The following SLC7A5 variants were observed in gnomAD, a reference collection of about 807,000 sequenced individuals.
SLC7A5 encodes solute carrier family 7 member 5.
SLC7A5 carries 23 observed loss-of-function variants against 50.2 expected under a neutral mutation model. The ratio of observed to expected loss-of-function variants is 0.46; its 90% CI spans 0.33 to 0.65. The LOEUF (loss-of-function observed/expected upper bound fraction) is 0.65, where lower values mean the gene tolerates loss of function less well. SLC7A5 is among the 30% of genes least tolerant of loss of function. The pLI, the probability that SLC7A5 is intolerant of heterozygous loss-of-function variation, is 0.02. For missense variants in SLC7A5, 578 were observed against 684.4 expected (o/e 0.84, Z 1.73); for synonymous variants, 393 against 330.6 (o/e 1.19, Z -2.05).
At chr16:87,845,986 A>G (rs2055149416) in intron 2 of SLC7A5, among the ~76,000 whole-genome samples, 1 of 152,196 alleles carries the variant, frequency 6.6e-6, no homozygotes, top group Non-Finnish European at 1.5e-5. Flanking sequence ...GACGGCACAG[A>G]AGAATGGCAG....
In SLC7A5 at chr16:87,834,511, C is replaced by G; in HGVS notation, c.1371G>C (p.Glu457Asp). 1.9e-6 allele frequency: 3 copies of G among 1,594,100 alleles called. No homozygotes were observed. Among genetic ancestry groups the G allele is most frequent in the Non-Finnish European group, 2.6e-6 (3 of 1,171,630 alleles). The change falls in exon 9 of 10, where the codon GAG (glutamate) becomes GAC (aspartate). Residue 457 changes from glutamate (E) to aspartate (D), a missense_variant. Glu to Asp is a conservative substitution (Grantham distance 45). This residue lies in a region of SLC7A5 where 465 missense variants were observed against 594.6 expected (regional missense o/e 0.78). Transcript: ENST00000261622. ...IAVSFWKTPV[E>D]CGIGFTIILS... is the part of the protein sequence containing the mutation. Reference sequence around the variant, plus strand: ...GGATGATGGTGAAGCCGATGCCACACTCCACGGGTGTCTTCCAGAAGGAGA... The same window carrying G: ...GGATGATGGTGAAGCCGATGCCACAGTCCACGGGTGTCTTCCAGAAGGAGA...
chr16:87,837,746 C>T, intron 7 of SLC7A5, 99 bp downstream of exon 7: 1 of 971,638 alleles, frequency 1.0e-6, no homozygotes, highest in Non-Finnish European at 1.6e-6. Flanking sequence ...GTCACCCAGT[C>T]CACACCCCAG....
At chr16:87,867,168 T>A (rs2055472903) in intron 1 of SLC7A5, among the ~76,000 whole-genome samples, 1 of 152,048 alleles carries the variant, frequency 6.6e-6, no homozygotes, top group Non-Finnish European at 1.5e-5. Context: ...GATCCGCCCG[T>A]CTCGGCCTCC....
chr16:87,847,963 AGGGGTCTCGGCCACCG>A (rs1018640683), intron 2 of SLC7A5, among the ~76,000 whole-genome samples: 7 of 151,982 alleles, frequency 4.6e-5, no homozygotes, highest in African/African-American at 1.7e-4. Context: ...GGTCACATCC[AGGGGTCTCGGCCACCG>A]GGACCCAGGG....
chr16:87,869,451 C>A lies in SLC7A5; in HGVS notation c.-29G>T, dbSNP rs985685336. ...CTGCGCACCGGCCGGGCCTGGGACACCCGGGAGCCGCGGCCCAGCGAGCAG... is the reference window on the plus strand; with the variant it reads ...CTGCGCACCGGCCGGGCCTGGGACAACCGGGAGCCGCGGCCCAGCGAGCAG... On this transcript the variant is annotated 5_prime_UTR_variant, in exon 1 of 10. Transcript: ENST00000261622. 2 of 1,353,632 alleles carry A rather than the reference C, an allele frequency of 1.5e-6. No individual in the cohort carries two copies. Among genetic ancestry groups the A allele is most frequent in the Non-Finnish European group, 1.9e-6 (2 of 1,061,496 alleles). 83.9% of individuals were successfully genotyped at this position (1,353,632 alleles called of 1,614,324 possible).
rs1296806721 is a variant in SLC7A5 at position 87,869,188 on chromosome 16, C to T, written c.235G>A (p.Ala79Thr). ...FVTPTGVLKE[A>T]GSPGLALVVW... Reference sequence around the variant, plus strand: ...ACCAGCGCCAGCCCCGGCGAGCCTGCCTCCTTGAGCACGCCCGTGGGCGTC... The same window carrying T: ...ACCAGCGCCAGCCCCGGCGAGCCTGTCTCCTTGAGCACGCCCGTGGGCGTC... The change falls in exon 1 of 10, where the codon GCA becomes ACA. Residue 79 changes from alanine (A) to threonine (T), a missense_variant. By Grantham distance (58) the Ala-to-Thr change is moderately conservative. Transcript: ENST00000261622. 6.2e-7 allele frequency: 1 copy of T among 1,612,374 alleles called. No individual in the cohort carries two copies. Among genetic ancestry groups the T allele is most frequent in the Non-Finnish European group, 8.5e-7 (1 of 1,179,822 alleles).
In SLC7A5 at chr16:87,852,237, C is replaced by G. The variant is rs1353292393; in HGVS notation, c.539-388G>C. On this transcript the variant is annotated intron_variant, in intron 1 of 9. Coordinates refer to ENST00000261622, the MANE Select transcript of SLC7A5 (RefSeq NM_003486.7). The surrounding 1 kb of genome is among the most constrained non-coding windows in gnomAD (Gnocchi z 4.5). The stretch of plus-strand genomic sequence containing the variant: ...AGGCGCCCATTACACCTTTTTGTAC[C>G]TACTCAGCACCCTGACCTGACTGTG... 6.6e-6 allele frequency among the ~76,000 whole-genome samples: 1 copy of G among 152,162 alleles called. No individual in the cohort carries two copies. Among genetic ancestry groups the G allele is most frequent in the Non-Finnish European group, 1.5e-5 (1 of 68,018 alleles).
At chr16:87,868,361 C>T (rs570900340) in intron 1 of SLC7A5, among the ~76,000 whole-genome samples, 10 of 152,254 alleles carry the variant, frequency 6.6e-5, no homozygotes, top group Admixed American at 5.2e-4. Flanking sequence ...CAGCACCAGT[C>T]ACTACCCGCA....
rs116092325 is a variant in SLC7A5 at position 87,852,736 on chromosome 16, T to C, written c.539-887A>G. 8.1e-3 allele frequency among the ~76,000 whole-genome samples: 1,217 copies of C among 151,130 alleles called. 12 individuals carry two copies. Among genetic ancestry groups the C allele is most frequent in the African/African-American group, 0.028 (1,164 of 40,926 alleles). On this transcript the variant is annotated intron_variant, in intron 1 of 9. Transcript: ENST00000261622. This position sits in a 1 kb window ranked among gnomAD's most constrained non-coding sequence, Gnocchi z 4.5. Reference sequence around the variant, plus strand: ...GGCACGCTGAGCCACTGTGTGTGTGTGCGTGTGTGTGTGTGTTTTGGGGGG... The same window carrying C: ...GGCACGCTGAGCCACTGTGTGTGTGCGCGTGTGTGTGTGTGTTTTGGGGGG...
At chr16:87,857,086 G>T (rs2055330855) in intron 1 of SLC7A5, among the ~76,000 whole-genome samples, 1 of 152,240 alleles carries the variant, frequency 6.6e-6, no homozygotes, top group East Asian at 1.9e-4. Flanking sequence ...GAATGGGCTG[G>T]AATGCCAAGC....
At position 87,852,192 on chromosome 16, in the gene SLC7A5, A is replaced by G. The variant is rs2055236012; in HGVS notation, c.539-343T>C. On this transcript the variant is annotated intron_variant, in intron 1 of 9. Transcript: ENST00000261622. The surrounding 1 kb of genome is among the most constrained non-coding windows in gnomAD (Gnocchi z 4.5). ...CTGCCTCCAGAGACCCAGGTGAGCA[A>G]GGTGACCCTGCCACTTGGAAGGCGC... Among the ~76,000 whole-genome samples the G allele has an allele frequency of 6.6e-6, 1 of 152,230 alleles. No individual in the cohort carries two copies. Among genetic ancestry groups the G allele is most frequent in the African/African-American group, 2.4e-5 (1 of 41,544 alleles).
chr16:87,866,994 G>C lies in SLC7A5; in HGVS notation c.538+1891C>G, dbSNP rs184056954. Among the ~76,000 whole-genome samples the C allele has an allele frequency of 3.3e-4, 50 of 151,628 alleles. No homozygotes were observed. The East Asian group carries it at 7.2e-3, about 22-fold the overall frequency. On this transcript the variant is annotated intron_variant, in intron 1 of 9. Transcript: ENST00000261622. ...TCACCCAGACTGGAGTGCAGTGGCG[G>C]GATCTCAACTCACTGCAACCTCCAC...
intron 2 of SLC7A5, among the ~76,000 whole-genome samples, chr16:87,848,190 A>C (rs1193447462): frequency 6.6e-6 from 1 of 152,260 alleles, no homozygotes; most frequent in Non-Finnish European, 1.5e-5. Flanking sequence ...GAGGAGAAGG[A>C]AAAGAAAGTT....
In SLC7A5 at chr16:87,862,394, C is replaced by T. The variant is rs1567502408; in HGVS notation, c.538+6491G>A. Reference sequence around the variant, plus strand: ...CACAGCCATCAAAACCCACCCCTTACACCCTTCACCCTTTAGGGAGGGGCT... The same window carrying T: ...CACAGCCATCAAAACCCACCCCTTATACCCTTCACCCTTTAGGGAGGGGCT... On this transcript the variant is annotated intron_variant, in intron 1 of 9. Transcript: ENST00000261622. The surrounding 1 kb of genome is among the most constrained non-coding windows in gnomAD (Gnocchi z 5.3). Among the ~76,000 whole-genome samples the T allele has an allele frequency of 6.6e-6, 1 of 152,210 alleles. No individual in the cohort carries two copies. The highest frequency in any genetic ancestry group is 2.4e-5 in the African/African-American group (1 of 41,458).
chr16:87,866,596 G>C (rs182455429), intron 1 of SLC7A5, among the ~76,000 whole-genome samples: 1,749 of 152,210 alleles, frequency 0.011, 38 homozygotes, highest in African/African-American at 0.04. Context: ...CTCCCGAGTA[G>C]CTGGGATTAC....
chr16:87,835,030 A>C (rs1214188163), intron 8 of SLC7A5, among the ~76,000 whole-genome samples: 25 of 152,244 alleles, frequency 1.6e-4, no homozygotes, highest in Admixed American at 1.6e-3. Context: ...CCATCCCTGA[A>C]GCTGCAGCCT....
In SLC7A5 at chr16:87,831,268, T is replaced by G. The variant is rs1021118138; in HGVS notation, c.*1702A>C. 6.6e-6 allele frequency: 1 copy of G among 152,314 alleles called. No individual in the cohort carries two copies. The highest frequency in any genetic ancestry group is 2.4e-5 in the African/African-American group (1 of 41,434). 9.4% of individuals were successfully genotyped at this position (152,314 alleles called of 1,614,324 possible). A position where few individuals can be genotyped will look rare whatever the true frequency, so the allele number is the denominator to read the frequency against. On this transcript the variant is annotated 3_prime_UTR_variant, in exon 10 of 10. Coordinates refer to ENST00000261622, the MANE Select transcript of SLC7A5 (RefSeq NM_003486.7). ...CTATGAGCAGACGCTGTGAAGTCTG[T>G]CCATGTGCAGCGGGAAGCAACGGGG...
In SLC7A5 at chr16:87,834,476, A is replaced by G. The variant is rs1308406576; in HGVS notation, c.1406T>C (p.Leu469Pro). Reference sequence around the variant, plus strand: ...CCAGACCCCGAAGAAGTAGACGGGCAGCCCGCTGAGGATGATGGTGAAGCC... The same window carrying G: ...CCAGACCCCGAAGAAGTAGACGGGCGGCCCGCTGAGGATGATGGTGAAGCC... ...GIGFTIILSG[L>P]PVYFFGVWWK... Residue 469 changes from leucine to proline, a missense_variant, in exon 9 of 10, where the codon CTG becomes CCG. Leu to Pro is a moderately conservative substitution (Grantham distance 98, BLOSUM62 -3). Coordinates refer to ENST00000261622, the MANE Select transcript of SLC7A5 (RefSeq NM_003486.7). The G allele has an allele frequency of 1.9e-6, 3 of 1,573,326 alleles. No individual in the cohort carries two copies. In the African/African-American group the frequency reaches 4.0e-5, roughly 21 times the overall value.
chr16:87,858,422 A>G (rs1383769697), intron 1 of SLC7A5, among the ~76,000 whole-genome samples: 1 of 152,086 alleles, frequency 6.6e-6, no homozygotes, highest in African/African-American at 2.4e-5. Context: ...TGGTCCGGAA[A>G]CCCACGCCCC....
Sources: allele counts gnomAD v4.1 joint callset (sites outside exome capture counted in the v4.1 genomes callset), GRCh38; gene constraint gnomAD v4.1.1; regional missense constraint gnomAD v4.1.1; non-coding constraint Gnocchi (gnomAD v3.1); transcripts MANE v1.5; gene names NCBI Gene and HGNC (gene_info 2026-07-23, HGNC 2026-07-21).